SCNN1G: variants seen among roughly 807,000 people sequenced by gnomAD.
SCNN1G encodes the protein sodium channel epithelial 1 subunit gamma.
Under a neutral mutation model 64.6 loss-of-function variants are expected in SCNN1G, and 27 were observed. The observed-to-expected ratio is 0.42, with a 90% CI of 0.31 to 0.58. SCNN1G has a LOEUF of 0.58. Among genes scored for constraint, SCNN1G ranks in the 20% least tolerant of loss-of-function variants. The probability of loss-of-function intolerance (pLI) is 0.18; values close to 1 mark genes in which losing one functional copy is unlikely to be tolerated. For synonymous variants in SCNN1G, 330 were observed against 314.2 expected, an observed-to-expected ratio of 1.05 and a Z score of -0.53; for missense variants, 743 against 823.4, an observed-to-expected ratio of 0.90 and a Z score of 1.19.
chr16:23,189,492 T>C lies in SCNN1G; in HGVS notation c.439T>C (p.Ser147Pro). The C allele has an allele frequency of 6.2e-7, 1 of 1,614,192 alleles. No homozygotes were observed. The highest frequency in any genetic ancestry group is 8.5e-7 in the Non-Finnish European group (1 of 1,180,038). ...AGAGGCGGAGTCCTGGAACTCCGTC[T>C]CAGAGGGAAAGCAGCCTAGATTCTC... ...RREAESWNSV[S>P]EGKQPRFSHR... Residue 147 changes from serine (S) to proline (P), a missense_variant, in exon 3 of 13, where the codon TCA becomes CCA. Transcript: ENST00000300061.
chr16:23,199,918 G>A (rs191764608), intron 6 of SCNN1G, among the ~76,000 whole-genome samples: 83 of 152,098 alleles, frequency 5.5e-4, no homozygotes, highest in Middle Eastern at 3.4e-3. Context: ...TGATCCGCCC[G>A]CCTCAGCCTC....
chr16:23,210,021 G>A (rs1308531270), intron 7 of SCNN1G, among the ~76,000 whole-genome samples, 173 bp downstream of exon 7: 1 of 152,200 alleles, frequency 6.6e-6, no homozygotes, highest in African/African-American at 2.4e-5. Context: ...TCTGCAGTTC[G>A]TCTGTAACCA....
chr16:23,204,829 C>T (rs953309527), intron 6 of SCNN1G, among the ~76,000 whole-genome samples: 5 of 151,892 alleles, frequency 3.3e-5, no homozygotes, highest in African/African-American at 9.7e-5. Flanking sequence ...TTTTTTTCAC[C>T]GGGTACAGTG....
At chr16:23,204,308 T>TATATATATATATAC (rs1959944400) in intron 6 of SCNN1G, among the ~76,000 whole-genome samples, 3 of 70,758 alleles carry the variant, frequency 4.2e-5, no homozygotes, top group African/African-American at 1.1e-4. Flanking sequence ...TATATATATA[T>TATATATATATATAC]ATATATATAT....
rs71151702 is a variant in SCNN1G, at chr16:23,203,769, CAAAAAAA to C, written c.1078-5960_1078-5954del. 1.2e-4 allele frequency among the ~76,000 whole-genome samples: 5 copies of C among 42,280 alleles called. No individual in the cohort carries two copies. The South Asian group carries it at 4.7e-3, about 40-fold the overall frequency. The allele number at this position is 42,280 out of a possible 152,430, so 27.7% of individuals were successfully genotyped here. A position where few individuals can be genotyped will look rare whatever the true frequency, so the allele number is the denominator to read the frequency against. The stretch of plus-strand genomic sequence containing the variant: ...TGGGCGACAGAGTGAGACTCCGTCT[CAAAAAAA>C]AAAAAAAAAAAAAAAAAAAAGAGCT... On this transcript the variant is annotated intron_variant, in intron 6 of 12. Transcript: ENST00000300061.
intron 2 of SCNN1G, among the ~76,000 whole-genome samples, chr16:23,188,400 A>T (rs1959648968): frequency 6.6e-6 from 1 of 152,042 alleles, no homozygotes; most frequent in Non-Finnish European, 1.5e-5. Context: ...TAGTCCCAGC[A>T]ACTTAGGAGG....
rs1596778058 is a variant in SCNN1G, at chr16:23,212,960, T to C, written c.1431+66T>C. The C allele has an allele frequency of 7.7e-6, 12 of 1,560,602 alleles. No homozygotes were observed. The East Asian group carries it at 2.5e-4, about 32-fold the overall frequency. On this transcript the variant is annotated intron_variant, in intron 10 of 12. Transcript: ENST00000300061. ...CCTGGAGCCCCACTGACATTTTTGC[T>C]GTGTCCTCTGGCCTGGGACATGGTC...
rs1960151961 is a variant in SCNN1G, at chr16:23,215,806, G to A, written c.*337G>A. The A allele has an allele frequency of 5.1e-6, 2 of 394,898 alleles. 1 individual carries two copies. The highest frequency in any genetic ancestry group is 4.9e-5 in the South Asian group (2 of 40,704). 24.5% of individuals were successfully genotyped at this position (394,898 alleles called of 1,614,324 possible). On this transcript the variant is annotated 3_prime_UTR_variant, in exon 13 of 13. Transcript: ENST00000300061. ...TGATGCAGCTCTTTACGGGTCTTGA[G>A]AGGGAAGGACTCTTCCAAAGCCCCA...
intron 6 of SCNN1G, among the ~76,000 whole-genome samples, chr16:23,208,816 C>A (rs774584076): frequency 1.6e-4 from 25 of 151,602 alleles, no homozygotes; most frequent in Non-Finnish European, 2.9e-4. Context: ...TAGCTCATTG[C>A]AGCCTCAAAC....
chr16:23,211,108 C>A (rs1376721629), intron 7 of SCNN1G, among the ~76,000 whole-genome samples: 2 of 152,214 alleles, frequency 1.3e-5, no homozygotes, highest in Non-Finnish European at 2.9e-5. Context: ...ACCATGCACA[C>A]ACACACCTTA....
At chr16:23,207,542 T>TAATAGAAAG (rs1408362775) in intron 6 of SCNN1G, among the ~76,000 whole-genome samples, 3 of 152,316 alleles carry the variant, frequency 2.0e-5, no homozygotes, top group African/African-American at 7.2e-5. Flanking sequence ...ATTTATTCTG[T>TAATAGAAAG]ACTGACATAG....
At chr16:23,204,332 T>TAGAGAGAGAGAGAGAGAG (rs1275220740) in intron 6 of SCNN1G, among the ~76,000 whole-genome samples, 1 of 25,130 alleles carries the variant, frequency 4.0e-5, no homozygotes, top group Non-Finnish European at 7.0e-5. Context: ...TATATATATA[T>TAGAGAGAGAGAGAGAGAG]ATAGAGAGAG....
rs1251791340 is a variant in SCNN1G at position 23,215,577 on chromosome 16, C to T, written c.*108C>T. 7.3e-7 allele frequency: 1 copy of T among 1,368,774 alleles called. No homozygotes were observed. Among genetic ancestry groups the T allele is most frequent in the African/African-American group, 1.4e-5 (1 of 70,088 alleles). The allele number at this position is 1,368,774 out of a possible 1,614,324, so 84.8% of individuals were successfully genotyped here. ...AGGGGACCCTCTGCCCCACTCTGGGCTTTTCAGATACTCTGACCAAAAAGC... is the reference window on the plus strand; with the variant it reads ...AGGGGACCCTCTGCCCCACTCTGGGTTTTTCAGATACTCTGACCAAAAAGC... On this transcript the variant is annotated 3_prime_UTR_variant, in exon 13 of 13. Transcript: ENST00000300061.
rs531154282 is a variant in SCNN1G at position 23,187,751 on chromosome 16, C to A, written c.317+1163C>A. 1.2e-4 allele frequency among the ~76,000 whole-genome samples: 18 copies of A among 152,338 alleles called. No homozygotes were observed. In the South Asian group the frequency reaches 2.3e-3, roughly 19 times the overall value. ...TGATCAGCCCTTGGGACTGCCCTATCATCCTCGGCAGGACCTGTTCTAAAT... is the reference window on the plus strand; with the variant it reads ...TGATCAGCCCTTGGGACTGCCCTATAATCCTCGGCAGGACCTGTTCTAAAT... On this transcript the variant is annotated intron_variant, in intron 2 of 12. Coordinates refer to ENST00000300061, the MANE Select transcript of SCNN1G (RefSeq NM_001039.4).
At chr16:23,187,106 CTTTTT>C (rs991130957) in intron 2 of SCNN1G, among the ~76,000 whole-genome samples, 3 of 117,894 alleles carry the variant, frequency 2.5e-5, no homozygotes, top group Non-Finnish European at 5.2e-5. Context: ...CTGGCCTTTT[CTTTTT>C]TTTTTTTTTT....
chr16:23,183,513 G>C (rs1244108226), intron 1 of SCNN1G, among the ~76,000 whole-genome samples: 1 of 152,216 alleles, frequency 6.6e-6, no homozygotes, highest in Non-Finnish European at 1.5e-5. Context: ...CTGTGGGATG[G>C]GGGACAGGCA....
At chr16:23,202,584 G>C (rs1003884588) in intron 6 of SCNN1G, among the ~76,000 whole-genome samples, 11 of 152,304 alleles carry the variant, frequency 7.2e-5, no homozygotes, top group Middle Eastern at 3.4e-3. Flanking sequence ...CATTTTAGTG[G>C]AAGTACAATC....
At chr16:23,213,250 C>CACA in intron 11 of SCNN1G, 87 bp downstream of exon 11, 1 of 771,274 alleles carries the variant, frequency 1.3e-6, no homozygotes, top group Non-Finnish European at 2.1e-6. Context: ...TGGCCAAATC[C>CACA]TCTTTTTTTT....
At position 23,202,344 on chromosome 16, in the gene SCNN1G, A is replaced by C. The variant is rs146217161; in HGVS notation, c.1077+4917A>C. ...AGTGGGTAGATGGGTAGGTGGATGG[A>C]TGGCTGGCTGGCTGAATGGATAGAT... is the stretch of plus-strand genomic sequence containing the variant. On this transcript the variant is annotated intron_variant, in intron 6 of 12. Transcript: ENST00000300061. Among the ~76,000 whole-genome samples the C allele has an allele frequency of 6.6e-3, 998 of 151,974 alleles. 6 individuals are homozygous for C. The highest frequency in any genetic ancestry group is 0.023 in the African/African-American group (953 of 41,440).
Sources: allele counts gnomAD v4.1 joint callset (sites outside exome capture counted in the v4.1 genomes callset), GRCh38; gene constraint gnomAD v4.1.1; transcripts MANE v1.5; gene names NCBI Gene and HGNC (gene_info 2026-07-23, HGNC 2026-07-21).